The following CEP72 variants were observed in gnomAD, a reference collection of about 807,000 sequenced individuals.
CEP72 encodes the protein centrosomal protein 72, also known as centrosomal protein of 72 kDa.
In CEP72, 78 loss-of-function variants were observed where a neutral mutation model predicts 65.7. The observed-to-expected ratio is 1.19, with a 90% confidence interval of 0.99 to 1.43. The LOEUF (loss-of-function observed/expected upper bound fraction) is 1.43. Ranked by LOEUF, CEP72 falls within the 40% of genes most tolerant of loss-of-function variation. The pLI, the probability that CEP72 is intolerant of heterozygous loss-of-function variation, is 0.00. For synonymous variants in CEP72, 358 were observed against 351.7 expected, an observed-to-expected ratio of 1.02 and a Z score of -0.20; for missense variants, 914 against 832.9, an observed-to-expected ratio of 1.10 and a Z score of -1.20.
rs568249974 is a variant in CEP72, at chr5:642,421, G to A, written c.1539+1817G>A. On this transcript the variant is annotated intron_variant, in intron 9 of 11. Transcript: ENST00000264935. ...TGGAAGCCTTTATACTGAAACACAC[G>A]TGACCGGCTGTCTGGAAAGTGAGCT... 1.7e-5 allele frequency: 17 copies of A among 985,446 alleles called. No individual in the cohort carries two copies. In the South Asian group the frequency reaches 1.9e-4, roughly 11 times the overall value. The allele number at this position is 985,446 out of a possible 1,614,324, so 61.0% of individuals were successfully genotyped here.
chr5:666,067 A>G, exon 4 of CEP72: 1 of 1,611,994 alleles, frequency 6.2e-7, no homozygotes. Flanking sequence ...CTTCTTGGCG[A>G]GCTCCTCCAG....
At chr5:652,097 G>T (rs1234342412) in intron 11 of CEP72, among the ~76,000 whole-genome samples, 2 of 152,218 alleles carry the variant, frequency 1.3e-5, no homozygotes, top group Non-Finnish European at 2.9e-5. Context: ...CGGGTGCAGT[G>T]CCCAGTCGTG....
chr5:653,131 A>G lies in CEP72; in HGVS notation c.1922A>G (p.His641Arg), dbSNP rs1739221637. Residue 641 changes from histidine to arginine, a missense_variant, in exon 12 of 12, where the codon CAT becomes CGT. Coordinates refer to ENST00000264935, the MANE Select transcript of CEP72 (RefSeq NM_018140.4). Reference protein sequence around the residue: ...MALFPHSSASHGGCQAC With the variant: ...MALFPHSSASRGGCQAC ...CTGTTTCCACACAGCAGCGCCAGCC[A>G]TGGAGGCTGCCAGGCCTGCTGACTC... The G allele has an allele frequency of 1.2e-6, 2 of 1,610,114 alleles. No individual in the cohort carries two copies. Among genetic ancestry groups the G allele is most frequent in the Non-Finnish European group, 1.7e-6 (2 of 1,179,070 alleles).
intron 3 of CEP72, among the ~76,000 whole-genome samples, 184 bp downstream of exon 3, chr5:620,445 A>C (rs994236513): frequency 6.6e-6 from 1 of 152,164 alleles, no homozygotes. Flanking sequence ...CTGTGTCTGC[A>C]CAGGACAGGG....
Position 637,795 on chromosome 5 carries a change from C to A in CEP72, c.1183C>A (p.Arg395=). Residue 395 remains arginine (R), a synonymous_variant, in exon 7 of 12, where the codon CGG becomes AGG. Transcript: ENST00000264935. ...EASETEEQRS[R]GVTDTREPSP... is the part of the protein sequence containing the mutation. ...CTCGGAGACTGAGGAGCAGAGGTCT[C>A]GGGGTGTGACCGACACCAGAGAGGT... 1 of 1,584,056 alleles carries A rather than the reference C, an allele frequency of 6.3e-7. No individual in the cohort carries two copies. Among genetic ancestry groups the A allele is most frequent in the Non-Finnish European group, 8.6e-7 (1 of 1,163,340 alleles).
intron 9 of CEP72, chr5:642,366 T>C: frequency 1.0e-6 from 1 of 985,426 alleles, no homozygotes; most frequent in African/African-American, 1.7e-5. Context: ...TCTGGAAGCC[T>C]CTATATTTAA....
downstream of CEP72, among the ~76,000 whole-genome samples, chr5:671,195 C>T (rs926898833): frequency 3.3e-5 from 5 of 149,976 alleles, no homozygotes; most frequent in East Asian, 2.0e-4. Flanking sequence ...GCACACCCTG[C>T]GCTTGCTGCT....
downstream of CEP72, among the ~76,000 whole-genome samples, chr5:670,433 T>C (rs1279086044): frequency 6.6e-6 from 1 of 152,078 alleles, no homozygotes; most frequent in Non-Finnish European, 1.5e-5. Context: ...AAACAGCCTC[T>C]CCCTGTACTT....
At chr5:676,113 A>C in the CEP72 span, 1 of 152,230 alleles carries the variant, frequency 6.6e-6, no homozygotes, top group East Asian at 1.9e-4. Context: ...CCTGCAAGGC[A>C]GTCAGCTGGA....
chr5:616,776 C>T (rs1736014296), intron 1 of CEP72, among the ~76,000 whole-genome samples: 4 of 151,764 alleles, frequency 2.6e-5, no homozygotes, highest in African/African-American at 9.7e-5. Flanking sequence ...GGCTGCTGCG[C>T]AAGGCCAGGT....
chr5:613,697 G>A lies in CEP72; in HGVS notation c.82+1254G>A, dbSNP rs150059990. Among the ~76,000 whole-genome samples the A allele has an allele frequency of 7.7e-4, 117 of 152,330 alleles. 1 individual carries two copies. The highest frequency in any genetic ancestry group is 2.7e-3 in the African/African-American group (114 of 41,568). ...CTGGGGGTTTTAGAGGAACAGGACT[G>A]TGAGGAGCTGGAAGATTGGTGTTGT... is the stretch of plus-strand genomic sequence containing the variant. On this transcript the variant is annotated intron_variant, in intron 1 of 11. Coordinates refer to ENST00000264935, the MANE Select transcript of CEP72 (RefSeq NM_018140.4).
chr5:628,407 A>G (rs1157555260), intron 4 of CEP72, among the ~76,000 whole-genome samples: 1 of 151,042 alleles, frequency 6.6e-6, no homozygotes, highest in Non-Finnish European at 1.5e-5. Context: ...CTTCTGGAGA[A>G]CTCAGGTCAC....
At chr5:634,636 A>G (rs550458998) in intron 5 of CEP72, among the ~76,000 whole-genome samples, 2 of 152,144 alleles carry the variant, frequency 1.3e-5, no homozygotes, top group African/African-American at 4.8e-5. Flanking sequence ...TTTAATTTGC[A>G]TCCGCTGCTG....
chr5:675,486 G>T, the CEP72 span, among the ~76,000 whole-genome samples: 1 of 141,442 alleles, frequency 7.1e-6, no homozygotes, highest in African/African-American at 2.8e-5. Flanking sequence ...GTGGCCAGGG[G>T]TACATTGTGG....
At chr5:665,088 G>C in intron 2 of CEP72, 2 of 1,605,382 alleles carry the variant, frequency 1.2e-6, no homozygotes, top group Non-Finnish European at 8.5e-7. Flanking sequence ...GTGCCGCGAG[G>C]CATGGAGCGG....
rs751717222 is a variant in CEP72, at chr5:620,086, T to C, written c.228T>C (p.Thr76=). ...LVSLEGIQYL[T]ALESLNLYYN... ...GTTGACAGGGCATTCAGTACCTGAC[T>C]GCATTGGAGAGTCTCAATCTCTACT... The change falls in exon 3 of 12, where the codon ACT becomes ACC. Residue 76 remains threonine (T), a synonymous_variant. Transcript: ENST00000264935. 2 of 1,607,058 alleles carry C rather than the reference T, an allele frequency of 1.2e-6. No individual in the cohort carries two copies. Among genetic ancestry groups the C allele is most frequent in the Admixed American group, 1.7e-5 (1 of 59,954 alleles).
Position 641,858 on chromosome 5 carries a change from G to T in CEP72, c.1539+1254G>T, listed in dbSNP as rs574564602. On this transcript the variant is annotated intron_variant, in intron 9 of 11. Coordinates refer to ENST00000264935, the MANE Select transcript of CEP72 (RefSeq NM_018140.4). ...TGCATTTAAGCACACGTGGTCCCCC[G>T]TCCAGAAGCCTGTGCATTTAAACAC... is the stretch of plus-strand genomic sequence containing the variant. 7.2e-6 allele frequency: 7 copies of T among 969,696 alleles called. No individual in the cohort carries two copies. The Admixed American group carries it at 4.8e-4, about 67-fold the overall frequency. 60.1% of individuals were successfully genotyped at this position (969,696 alleles called of 1,614,324 possible).
At chr5:666,193 T>G in intron 4 of CEP72, 4 of 1,548,924 alleles carry the variant, frequency 2.6e-6, no homozygotes, top group Non-Finnish European at 3.5e-6. Flanking sequence ...CGCGTGGGTC[T>G]GAGCAGAGCT....
chr5:641,302 C>T, intron 9 of CEP72: 1 of 985,414 alleles, frequency 1.0e-6, no homozygotes, highest in Non-Finnish European at 1.2e-6. Context: ...GTCAGAGAGC[C>T]ACACCCAGGC....
Sources: gnomAD v4.1 joint callset for allele counts (sites outside exome capture counted in the v4.1 genomes callset) on GRCh38, gnomAD v4.1.1 for gene constraint, MANE v1.5 for transcripts, NCBI Gene and HGNC (gene_info 2026-07-23, HGNC 2026-07-21) for gene names.